Variants in XPO5 observed in about 807,000 individuals in gnomAD.
XPO5 encodes the protein exportin 5, also known as exportin-5.
XPO5 carries 46 observed loss-of-function variants against 160.6 expected under a neutral mutation model. The ratio of observed to expected loss-of-function variants is 0.29; its 90% CI spans 0.23 to 0.37. The LOEUF is 0.37. XPO5 is among the 10% of genes least tolerant of loss of function. XPO5 has a pLI of 1.00. For synonymous variants in XPO5, 537 were observed against 519.3 expected (o/e 1.03, Z -0.46); for missense variants, 1,090 against 1,463.9 (o/e 0.74, Z 4.17).
Position 43,567,438 on chromosome 6 carries a change from T to C in XPO5, c.649-84A>G. On this transcript the variant is annotated intron_variant, in intron 6 of 31. Coordinates refer to ENST00000265351, the MANE Select transcript of XPO5 (RefSeq NM_020750.3). ...TGGTTATAACTGAACTCCCATTTTC[T>C]AATTCTAAGAAAATTATTTTTTAAG... 3 of 1,256,736 alleles carry C rather than the reference T, an allele frequency of 2.4e-6. No individual in the cohort carries two copies. In the South Asian group the frequency reaches 5.4e-5, roughly 23 times the overall value. 77.8% of individuals were successfully genotyped at this position (1,256,736 alleles called of 1,614,324 possible). A position where few individuals can be genotyped will look rare whatever the true frequency, so the allele number is the denominator to read the frequency against.
chr6:43,554,768 A>G (rs758847477), intron 13 of XPO5, among the ~76,000 whole-genome samples: 4 of 152,006 alleles, frequency 2.6e-5, no homozygotes, highest in Non-Finnish European at 5.9e-5. Context: ...GCGTAGTCCT[A>G]TTTACTAGTT....
intron 2 of XPO5, 67 bp from the exon 3 acceptor site, chr6:43,572,645 A>G (rs1763069375): frequency 5.5e-6 from 8 of 1,462,772 alleles, no homozygotes; most frequent in Admixed American, 3.4e-5. Context: ...AGAGAATAGC[A>G]TGGATTTCTA....
chr6:43,531,723 T>G lies in XPO5; in HGVS notation c.2444-148A>C, dbSNP rs188425379. The stretch of plus-strand genomic sequence containing the variant: ...CAAAGCAGTTGGCTACGTGATTTGC[T>G]GCACTCTTTTGGTAGGAGAAGGTGA... On this transcript the variant is annotated intron_variant, in intron 21 of 31. Coordinates refer to ENST00000265351, the MANE Select transcript of XPO5 (RefSeq NM_020750.3). 2.3e-3 allele frequency: 1,561 copies of G among 690,104 alleles called. 4 individuals carry two copies. Among genetic ancestry groups the G allele is most frequent in the Non-Finnish European group, 2.4e-3 (932 of 390,008 alleles). The allele number at this position is 690,104 out of a possible 1,614,324, so 42.7% of individuals were successfully genotyped here.
intron 27 of XPO5, chr6:43,526,339 C>T (rs1389241912): frequency 5.1e-6 from 2 of 391,174 alleles, no homozygotes; most frequent in Non-Finnish European, 9.5e-6. Flanking sequence ...GTAGTGACAA[C>T]TGCTATGAAG....
At chr6:43,575,059 A>G (rs1763227056) in intron 1 of XPO5, among the ~76,000 whole-genome samples, 1 of 152,226 alleles carries the variant, frequency 6.6e-6, no homozygotes, top group Non-Finnish European at 1.5e-5. Context: ...AAACTGCAAC[A>G]TAAGTCAGTC....
chr6:43,546,070 T>C (rs7748977), intron 20 of XPO5, among the ~76,000 whole-genome samples: 28,591 of 152,032 alleles, frequency 0.19, 5,742 homozygotes, highest in African/African-American at 0.51. Context: ...GAACCAAGGA[T>C]CTAGCAAACT....
At chr6:43,525,732 A>G in intron 28 of XPO5, 107 bp downstream of exon 28, 2 of 1,186,754 alleles carry the variant, frequency 1.7e-6, no homozygotes, top group Non-Finnish European at 2.3e-6. Context: ...CTTATGTAAC[A>G]AAGGAGTATT....
Position 43,558,498 on chromosome 6 carries a change from T to G in XPO5, c.1312+3A>C. On this transcript the variant is annotated splice_donor_region_variant and intron_variant, in intron 12 of 31. Transcript: ENST00000265351. ...AGAGAAATCCAAGGCCAACATCACT[T>G]ACAGTTGAAGAAAGCATTGAAGTCC... The G allele has an allele frequency of 6.3e-7, 1 of 1,595,056 alleles. No individual in the cohort carries two copies. Among genetic ancestry groups the G allele is most frequent in the South Asian group, 1.1e-5 (1 of 87,112 alleles).
intron 20 of XPO5, among the ~76,000 whole-genome samples, chr6:43,536,377 T>C (rs1285088895): frequency 6.6e-6 from 1 of 151,516 alleles, no homozygotes; most frequent in East Asian, 1.9e-4. Context: ...ATTGTGCCAC[T>C]GCACTCCAGC....
At chr6:43,564,001 C>A (rs1488173027) in intron 8 of XPO5, among the ~76,000 whole-genome samples, 2 of 152,150 alleles carry the variant, frequency 1.3e-5, no homozygotes, top group Non-Finnish European at 2.9e-5. Context: ...TGGCTCACTG[C>A]AACTTTCGCC....
intron 15 of XPO5, chr6:43,550,888 C>A (rs2127732250): frequency 6.5e-6 from 1 of 153,958 alleles, no homozygotes; most frequent in Non-Finnish European, 1.4e-5. Context: ...CGACAGCACA[C>A]TCTAATACTC....
intron 15 of XPO5, 200 bp downstream of exon 15, chr6:43,551,098 T>C: frequency 2.4e-6 from 1 of 411,672 alleles, no homozygotes. Flanking sequence ...GTTACAAAAA[T>C]AATTAGCCTA....
chr6:43,531,682 G>A (rs1793989127), intron 21 of XPO5, 107 bp from the exon 22 acceptor site: 1 of 932,938 alleles, frequency 1.1e-6, no homozygotes, highest in Non-Finnish European at 1.7e-6. Flanking sequence ...ATGTGTGCAT[G>A]TCTGGTGCTG....
chr6:43,528,795 C>T (rs534453356), intron 24 of XPO5, 33 bp downstream of exon 24: 11 of 1,598,572 alleles, frequency 6.9e-6, no homozygotes, highest in South Asian at 6.7e-5. Flanking sequence ...CTTAATAGTA[C>T]TCTTTGCTTC....
At chr6:43,537,270 C>A (rs989949899) in intron 20 of XPO5, among the ~76,000 whole-genome samples, 2 of 152,036 alleles carry the variant, frequency 1.3e-5, no homozygotes, top group African/African-American at 4.8e-5. Context: ...CTATTCCCAG[C>A]CATCTTTTTC....
chr6:43,565,639 C>A, intron 8 of XPO5, 21 bp downstream of exon 8: 1 of 1,549,620 alleles, frequency 6.5e-7, no homozygotes, highest in South Asian at 1.2e-5. Flanking sequence ...AGAAAACACA[C>A]TGAAAAGTAA....
intron 20 of XPO5, among the ~76,000 whole-genome samples, chr6:43,541,135 G>T (rs1794670292): frequency 6.6e-6 from 1 of 151,980 alleles, no homozygotes; most frequent in South Asian, 2.1e-4. Context: ...GGTAAGGTAG[G>T]GATTGTTAAT....
chr6:43,568,562 C>T lies in XPO5; in HGVS notation c.648+149G>A, dbSNP rs116617112. 2.5e-4 allele frequency: 150 copies of T among 596,582 alleles called. No homozygotes were observed. In the African/African-American group the frequency reaches 2.6e-3, roughly 10 times the overall value. The allele number at this position is 596,582 out of a possible 1,614,324, so 37.0% of individuals were successfully genotyped here. ...TCATGGCTGCAGTGAGCTGAGACCA[C>T]ACAACTGCACTCCAGCCTGGGCAAC... On this transcript the variant is annotated intron_variant, in intron 6 of 31. Coordinates refer to ENST00000265351, the MANE Select transcript of XPO5 (RefSeq NM_020750.3).
chr6:43,557,783 TAAAAAAAAAAAAA>T (rs59661301), intron 12 of XPO5, among the ~76,000 whole-genome samples: 5 of 87,230 alleles, frequency 5.7e-5, no homozygotes, highest in Non-Finnish European at 9.0e-5. Context: ...AATAAAGCTG[TAAAAAAAAAAAAA>T]AAAAAAAAAA....
Sources: allele counts gnomAD v4.1 joint callset (sites outside exome capture counted in the v4.1 genomes callset), GRCh38; gene constraint gnomAD v4.1.1; transcripts MANE v1.5; gene names NCBI Gene and HGNC (gene_info 2026-07-23, HGNC 2026-07-21).